Variants in FHIT observed in about 807,000 individuals in gnomAD.
FHIT encodes fragile histidine triad diadenosine triphosphatase.
In FHIT, 19 loss-of-function variants were observed where a neutral mutation model predicts 17.9. The ratio of observed to expected loss-of-function variants is 1.06; its 90% CI spans 0.74 to 1.56. The LOEUF (loss-of-function observed/expected upper bound fraction) is 1.56, where lower values mean the gene tolerates loss of function less well. Among genes scored for constraint, FHIT ranks in the 40% most tolerant of loss-of-function variants. The pLI is 0.00. For synonymous variants in FHIT, 81 were observed against 69.7 expected (o/e 1.16, Z -0.81); for missense variants, 248 against 189.2 (o/e 1.31, Z -1.82).
chr3:60,606,093 G>A (rs2038599301), intron 4 of FHIT, among the ~76,000 whole-genome samples: 1 of 152,026 alleles, frequency 6.6e-6, no homozygotes, highest in Non-Finnish European at 1.5e-5. Context: ...TTGCCCCAGA[G>A]TGTGCTAGAG....
intron 5 of FHIT, among the ~76,000 whole-genome samples, chr3:60,409,365 T>G (rs367830031): frequency 3.3e-5 from 5 of 152,152 alleles, no homozygotes; most frequent in Non-Finnish European, 7.4e-5. Context: ...AAAGTGAAAT[T>G]TGAGACCAAT....
In FHIT at chr3:60,326,603, C is replaced by T. The variant is rs141618845; in HGVS notation, c.103+210257G>A. On this transcript the variant is annotated intron_variant, in intron 5 of 9. Coordinates refer to ENST00000492590, the MANE Select transcript of FHIT (RefSeq NM_002012.4). ...CATGGACTGGTCCATGACGCAGGGG[C>T]TGGGGACCCCTGTCCTAAACCATGT... 3.9e-3 allele frequency among the ~76,000 whole-genome samples: 587 copies of T among 152,308 alleles called. 2 individuals carry two copies. Among genetic ancestry groups the T allele is most frequent in the South Asian group, 0.021 (101 of 4,820 alleles).
At chr3:61,239,279 T>C (rs903683981) in intron 1 of FHIT, among the ~76,000 whole-genome samples, 1 of 152,228 alleles carries the variant, frequency 6.6e-6, no homozygotes, top group African/African-American at 2.4e-5. Flanking sequence ...GCCTGGGCCC[T>C]ATCTATACAG....
At chr3:60,654,064 C>T (rs1553688982) in intron 4 of FHIT, among the ~76,000 whole-genome samples, 1 of 151,072 alleles carries the variant, frequency 6.6e-6, no homozygotes, top group Non-Finnish European at 1.5e-5. Flanking sequence ...TAGCACCTCG[C>T]TTCCCCACTC....
At chr3:60,128,760 A>G (rs1699376260) in intron 5 of FHIT, among the ~76,000 whole-genome samples, 2 of 152,322 alleles carry the variant, frequency 1.3e-5, no homozygotes, top group South Asian at 4.1e-4. Flanking sequence ...TAGAAATGAT[A>G]TAGTCCATTC....
intron 7 of FHIT, among the ~76,000 whole-genome samples, chr3:59,970,371 A>G (rs946586226): frequency 1.3e-5 from 2 of 152,116 alleles, no homozygotes; most frequent in African/African-American, 4.8e-5. Context: ...TGCTCATCCC[A>G]ACAGATGTTT....
chr3:61,172,784 C>T (rs755309500), intron 2 of FHIT, among the ~76,000 whole-genome samples: 1 of 144,214 alleles, frequency 6.9e-6, no homozygotes, highest in African/African-American at 2.5e-5. Context: ...CCCCACACAA[C>T]CCCTGAGAGC....
At chr3:60,153,624 C>T (rs1700562650) in intron 5 of FHIT, among the ~76,000 whole-genome samples, 1 of 152,130 alleles carries the variant, frequency 6.6e-6, no homozygotes, top group East Asian at 1.9e-4. Flanking sequence ...TTAGGGACAC[C>T]AATCCAGATA....
chr3:60,849,413 T>G (rs566538153), intron 3 of FHIT, among the ~76,000 whole-genome samples: 1 of 144,164 alleles, frequency 6.9e-6, no homozygotes, highest in South Asian at 2.3e-4. Flanking sequence ...GTCATTTCCC[T>G]ACAGGACTTT....
intron 7 of FHIT, among the ~76,000 whole-genome samples, chr3:59,951,689 G>A (rs773826164): frequency 3.3e-5 from 5 of 151,180 alleles, no homozygotes; most frequent in Non-Finnish European, 7.4e-5. Flanking sequence ...AGAACTTTAG[G>A]GCATCTGAGA....
chr3:60,509,290 C>A (rs748082794), intron 5 of FHIT, among the ~76,000 whole-genome samples: 1 of 152,146 alleles, frequency 6.6e-6, no homozygotes, highest in East Asian at 1.9e-4. Context: ...GCTGCCCCAA[C>A]TTCTATTATT....
intron 4 of FHIT, among the ~76,000 whole-genome samples, chr3:60,599,512 T>G (rs79765090): frequency 1.3e-5 from 2 of 152,148 alleles, no homozygotes; most frequent in Non-Finnish European, 2.9e-5. Flanking sequence ...AGGTGACTAT[T>G]AAGTCGGAGT....
At chr3:60,124,220 C>T (rs1705435929) in intron 5 of FHIT, among the ~76,000 whole-genome samples, 1 of 151,062 alleles carries the variant, frequency 6.6e-6, no homozygotes, top group Non-Finnish European at 1.5e-5. Context: ...ACCTGGCCTA[C>T]ATTTTTTTTA....
chr3:60,656,824 C>A (rs1553689705), intron 4 of FHIT, among the ~76,000 whole-genome samples: 1 of 152,170 alleles, frequency 6.6e-6, no homozygotes, highest in Non-Finnish European at 1.5e-5. Flanking sequence ...GAAAATTGTC[C>A]TTTCAAGAGA....
At chr3:60,441,154 A>T (rs76277783) in intron 5 of FHIT, among the ~76,000 whole-genome samples, 2,031 of 151,858 alleles carry the variant, frequency 0.013, 37 homozygotes, top group Middle Eastern at 0.048. Context: ...AAAAGAATTT[A>T]AAAAAAAGGC....
chr3:61,193,270 G>GT (rs1333866723), intron 2 of FHIT, among the ~76,000 whole-genome samples: 6 of 152,212 alleles, frequency 3.9e-5, no homozygotes, highest in African/African-American at 1.2e-4. Context: ...AGCTGGAGCA[G>GT]TTCCTTAAAG....
intron 3 of FHIT, among the ~76,000 whole-genome samples, chr3:60,850,599 CA>C (rs1410766640): frequency 6.6e-6 from 1 of 151,996 alleles, no homozygotes; most frequent in African/African-American, 2.4e-5. Context: ...ACCATGAAGA[CA>C]AAAAGGTATT....
intron 3 of FHIT, among the ~76,000 whole-genome samples, chr3:60,880,111 A>G (rs1553757578): frequency 6.6e-6 from 1 of 152,174 alleles, no homozygotes. Context: ...ACAAAGCAAG[A>G]ATTCTAAAAA....
At chr3:60,148,919 T>C (rs1700349166) in intron 5 of FHIT, among the ~76,000 whole-genome samples, 1 of 152,204 alleles carries the variant, frequency 6.6e-6, no homozygotes, top group Non-Finnish European at 1.5e-5. Context: ...CTGTCCTTTC[T>C]TCCCTGTTGT....
Sources: allele counts gnomAD v4.1 joint callset (sites outside exome capture counted in the v4.1 genomes callset), GRCh38; gene constraint gnomAD v4.1.1; transcripts MANE v1.5; gene names NCBI Gene and HGNC (gene_info 2026-07-23, HGNC 2026-07-21).